Variants in UBR3 observed in about 807,000 individuals in gnomAD.
UBR3 encodes the protein ubiquitin protein ligase E3 component n-recognin 3.
UBR3 carries 85 observed loss-of-function variants against 243.2 expected under a neutral mutation model. The ratio of observed to expected loss-of-function variants is 0.35; its 90% CI spans 0.29 to 0.42. The LOEUF is 0.42. Ranked by LOEUF, UBR3 falls within the 10% of genes least tolerant of loss-of-function variation. The pLI is 1.00. For missense variants in UBR3, 1,686 were observed against 2,300.8 expected, an observed-to-expected ratio of 0.73 and a Z score of 5.47; for synonymous variants, 748 against 799.8, an observed-to-expected ratio of 0.94 and a Z score of 1.09.
chr2:170,024,471 C>T (rs1173942511), intron 30 of UBR3, among the ~76,000 whole-genome samples: 1 of 150,926 alleles, frequency 6.6e-6, no homozygotes, highest in Admixed American at 6.6e-5. Context: ...CATATGGTAA[C>T]TTTGGGTTTA....
chr2:169,863,313 T>C (rs1422718516), intron 1 of UBR3, among the ~76,000 whole-genome samples: 2 of 152,248 alleles, frequency 1.3e-5, no homozygotes, highest in Non-Finnish European at 2.9e-5. Context: ...AGTATGTTCA[T>C]TTAGTGATAT....
At chr2:169,835,993 GTCTCTCTCTCTCTCTC>G (rs577838877) in intron 1 of UBR3, among the ~76,000 whole-genome samples, 817 of 30,564 alleles carry the variant, frequency 0.027, 13 homozygotes, top group African/African-American at 0.057. Context: ...TGTGTGCACT[GTCTCTCTCTCTCTCTC>G]TCTCTCTCTC....
At chr2:170,022,043 T>C (rs1435878539) in intron 30 of UBR3, among the ~76,000 whole-genome samples, 1 of 152,086 alleles carries the variant, frequency 6.6e-6, no homozygotes, top group East Asian at 1.9e-4. Flanking sequence ...CCTGGATTCA[T>C]GGAATGTGCC....
Position 170,075,150 on chromosome 2 carries a change from AT to A in UBR3, c.5199+1549del, listed in dbSNP as rs757628111. 6.6e-5 allele frequency among the ~76,000 whole-genome samples: 10 copies of A among 152,046 alleles called. No homozygotes were observed. In the East Asian group the frequency reaches 1.5e-3, roughly 23 times the overall value. Reference sequence around the variant, plus strand: ...AATGTCTCTGCTTTTGTTCTTTTCCATTTTTTGCTGAAATCCTTAAAAAGAT... The same window carrying A: ...AATGTCTCTGCTTTTGTTCTTTTCCATTTTTGCTGAAATCCTTAAAAAGAT... On this transcript the variant is annotated intron_variant, in intron 36 of 38. Transcript: ENST00000272793.
chr2:169,875,159 G>T (rs1350636320), intron 2 of UBR3, among the ~76,000 whole-genome samples: 2 of 151,830 alleles, frequency 1.3e-5, no homozygotes, highest in Non-Finnish European at 2.9e-5. Flanking sequence ...TGTTATACAG[G>T]TTTAAATTTG....
chr2:169,891,434 A>T (rs1322035727), intron 6 of UBR3, among the ~76,000 whole-genome samples: 1 of 152,120 alleles, frequency 6.6e-6, no homozygotes, highest in East Asian at 1.9e-4. Flanking sequence ...TTCATCATAA[A>T]ATATGCATTA....
intron 10 of UBR3, 93 bp from the exon 11 acceptor site, chr2:169,913,967 A>G: frequency 2.0e-6 from 1 of 489,820 alleles, no homozygotes; most frequent in Non-Finnish European, 3.1e-6. Context: ...TTACCATTTT[A>G]TATATACACA....
intron 1 of UBR3, among the ~76,000 whole-genome samples, chr2:169,856,414 C>T (rs1282179139): frequency 6.6e-6 from 1 of 152,168 alleles, no homozygotes; most frequent in Admixed American, 6.5e-5. Context: ...AGACGCTCCT[C>T]ACTTCTTAGA....
chr2:169,862,122 T>G (rs2083113266), intron 1 of UBR3, among the ~76,000 whole-genome samples: 1 of 152,214 alleles, frequency 6.6e-6, no homozygotes, highest in Admixed American at 6.5e-5. Context: ...TCTTAATAGT[T>G]TAATAGATTT....
chr2:169,919,942 C>G (rs574224060), intron 11 of UBR3, among the ~76,000 whole-genome samples: 1 of 152,256 alleles, frequency 6.6e-6, no homozygotes, highest in South Asian at 2.1e-4. Flanking sequence ...CCATTTGACC[C>G]AGCCATCCCA....
chr2:170,061,462 G>C lies in UBR3; in HGVS notation c.5019+19G>C. On this transcript the variant is annotated intron_variant, in intron 35 of 38. Transcript: ENST00000272793. ...CTGCCAGGTAGATAATTTGGGATAT[G>C]TAAGAGGGAGCTTTTTTTTTTTTCA... 1.3e-6 allele frequency: 2 copies of C among 1,543,382 alleles called. No homozygotes were observed. The highest frequency in any genetic ancestry group is 1.7e-6 in the Non-Finnish European group (2 of 1,152,550).
intron 1 of UBR3, among the ~76,000 whole-genome samples, chr2:169,866,330 T>C (rs17323128): frequency 0.019 from 2,822 of 150,744 alleles, 104 homozygotes; most frequent in African/African-American, 0.063. Context: ...TTTATTTAGA[T>C]ATTGTGTGTC....
intron 1 of UBR3, among the ~76,000 whole-genome samples, chr2:169,849,363 C>G (rs1203448737): frequency 6.6e-6 from 1 of 152,216 alleles, no homozygotes; most frequent in African/African-American, 2.4e-5. Context: ...TCAAGGGGCT[C>G]ACACAACCTC....
chr2:170,022,710 T>TA (rs1025997550), intron 30 of UBR3, among the ~76,000 whole-genome samples: 5 of 152,098 alleles, frequency 3.3e-5, no homozygotes, highest in African/African-American at 1.2e-4. Flanking sequence ...TTATTATATA[T>TA]AATAATAATT....
rs746815176 is a variant in UBR3 at position 169,891,276 on chromosome 2, TA to T, written c.1105+51del. 139 of 1,442,238 alleles carry T rather than the reference TA, an allele frequency of 9.6e-5. No homozygotes were observed. The African/African-American group carries it at 1.7e-3, about 18-fold the overall frequency. 89.3% of individuals were successfully genotyped at this position (1,442,238 alleles called of 1,614,324 possible). On this transcript the variant is annotated intron_variant, in intron 6 of 38. Transcript: ENST00000272793. Reference sequence around the variant, plus strand: ...TTTTTTTCCTTGAATAAAATGCTTCTAAAAAATGCCTAATCACTAAAAATAC... The same window carrying T: ...TTTTTTTCCTTGAATAAAATGCTTCTAAAAATGCCTAATCACTAAAAATAC...
chr2:170,081,884 CG>C lies in UBR3; in HGVS notation c.*42del. 1 of 1,329,378 alleles carries C rather than the reference CG, an allele frequency of 7.5e-7. No homozygotes were observed. Among genetic ancestry groups the C allele is most frequent in the South Asian group, 1.6e-5 (1 of 62,076 alleles). The allele number at this position is 1,329,378 out of a possible 1,614,324, so 82.3% of individuals were successfully genotyped here. A position where few individuals can be genotyped will look rare whatever the true frequency, so the allele number is the denominator to read the frequency against. ...TTGCATCGTATCATCATTTTCGCTA[CG>C]AATTTATTTTTCAACAATAAGCTTT... On this transcript the variant is annotated 3_prime_UTR_variant, in exon 39 of 39. Transcript: ENST00000272793.
At chr2:169,871,854 A>G (rs559003121) in intron 1 of UBR3, among the ~76,000 whole-genome samples, 4 of 152,260 alleles carry the variant, frequency 2.6e-5, no homozygotes, top group East Asian at 1.9e-4. Flanking sequence ...CATTAATGCA[A>G]TAAGTTAGAA....
chr2:169,958,601 A>G, intron 24 of UBR3, 75 bp downstream of exon 24: 1 of 1,320,564 alleles, frequency 7.6e-7, no homozygotes, highest in Non-Finnish European at 1.1e-6. Flanking sequence ...CCAGTCTTTT[A>G]CTAATTTAAA....
chr2:170,071,977 C>G (rs541062641), intron 35 of UBR3, among the ~76,000 whole-genome samples: 3 of 152,222 alleles, frequency 2.0e-5, no homozygotes, highest in Admixed American at 6.5e-5. Flanking sequence ...GTTGGTGGGA[C>G]TGTAAACTAG....
Sources: gnomAD v4.1 joint callset for allele counts (sites outside exome capture counted in the v4.1 genomes callset) on GRCh38, gnomAD v4.1.1 for gene constraint, MANE v1.5 for transcripts, NCBI Gene and HGNC (gene_info 2026-07-23, HGNC 2026-07-21) for gene names.